Variants in RAB3IL1 observed in about 807,000 individuals in gnomAD.
The protein encoded by RAB3IL1 is RAB3A interacting protein like 1, also known as guanine nucleotide exchange factor for Rab-3A.
Under a neutral mutation model 49.2 loss-of-function variants are expected in RAB3IL1, and 37 were observed. That is an observed-to-expected ratio of 0.75 (90% CI 0.58 to 0.99). The LOEUF is 0.99. Ranked by LOEUF, RAB3IL1 falls within the 50% of genes least tolerant of loss-of-function variation. RAB3IL1 has a pLI of 0.00. For missense variants in RAB3IL1, 484 were observed against 513.0 expected (o/e 0.94, Z 0.55); for synonymous variants, 193 against 213.9 (o/e 0.90, Z 0.85).
chr11:61,922,394 T>C (rs1242363223), upstream of RAB3IL1, among the ~76,000 whole-genome samples: 1 of 149,684 alleles, frequency 6.7e-6, no homozygotes, highest in Non-Finnish European at 1.5e-5. Context: ...TGGTGGCGCA[T>C]GCCTGTAATC....
chr11:61,946,265 C>T, the RAB3IL1 span, among the ~76,000 whole-genome samples: 1 of 152,198 alleles, frequency 6.6e-6, no homozygotes. Flanking sequence ...GCCTACTGCC[C>T]CCAGCCAAGC....
At chr11:61,911,695 C>G (rs999712610) in intron 1 of RAB3IL1, among the ~76,000 whole-genome samples, 14 of 152,218 alleles carry the variant, frequency 9.2e-5, no homozygotes, top group Non-Finnish European at 1.6e-4. Flanking sequence ...GCCACAGATG[C>G]CTCTGGAAAG....
At chr11:61,917,298 T>C in intron 1 of RAB3IL1, 59 bp downstream of exon 1, 1 of 1,352,064 alleles carries the variant, frequency 7.4e-7, no homozygotes, top group Non-Finnish European at 9.5e-7. Flanking sequence ...AATCCTCCCG[T>C]CCCGGGAGGC....
In RAB3IL1 at chr11:61,897,327, T is replaced by C. The variant is rs566205514; in HGVS notation, c.*951A>G. On this transcript the variant is annotated 3_prime_UTR_variant, in exon 10 of 10. Coordinates refer to ENST00000394836, the MANE Select transcript of RAB3IL1 (RefSeq NM_013401.4). ...ACCAACAAAGCCTGCCTTTATTAAA[T>C]AGAGATCGCGTTACATTCCATCCAA... The C allele has an allele frequency of 6.5e-6, 1 of 152,760 alleles. No individual in the cohort carries two copies. Among genetic ancestry groups the C allele is most frequent in the South Asian group, 2.1e-4 (1 of 4,822 alleles). The allele number at this position is 152,760 out of a possible 1,614,324, so 9.5% of individuals were successfully genotyped here. A position where few individuals can be genotyped will look rare whatever the true frequency, so the allele number is the denominator to read the frequency against.
At chr11:61,904,493 G>A (rs1939073982) in intron 7 of RAB3IL1, 53 bp downstream of exon 7, 1 of 1,511,244 alleles carries the variant, frequency 6.6e-7, no homozygotes, top group Admixed American at 1.9e-5. Flanking sequence ...TAAACACACG[G>A]CTTGGCGGGG....
chr11:61,909,541 A>G (rs1490108124), intron 1 of RAB3IL1, among the ~76,000 whole-genome samples: 1 of 152,198 alleles, frequency 6.6e-6, no homozygotes, highest in East Asian at 1.9e-4. Flanking sequence ...GAACCGGCCC[A>G]GAGTGTGGCC....
chr11:61,920,066 T>A, upstream of RAB3IL1: 10 of 1,280,164 alleles, frequency 7.8e-6, no homozygotes, highest in Non-Finnish European at 9.9e-6. Flanking sequence ...GGCTCTTCTC[T>A]CAAGTTCCCC....
intron 8 of RAB3IL1, chr11:61,899,734 A>AT: frequency 1.3e-4 from 35 of 263,406 alleles, no homozygotes; most frequent in South Asian, 6.7e-4. Context: ...CTGTGAGATG[A>AT]ACCGGGCAGG....
chr11:61,923,062 G>A (rs1269400961), upstream of RAB3IL1, among the ~76,000 whole-genome samples: 1 of 152,244 alleles, frequency 6.6e-6, no homozygotes, highest in African/African-American at 2.4e-5. Flanking sequence ...GACCCCACCA[G>A]CCTCTTGGCC....
intron 8 of RAB3IL1, among the ~76,000 whole-genome samples, chr11:61,900,780 T>G (rs1397196510): frequency 6.6e-6 from 1 of 152,170 alleles, no homozygotes; most frequent in African/African-American, 2.4e-5. Flanking sequence ...ACCCCCAGCT[T>G]CATCCAGTGC....
chr11:61,934,488 A>ATG, the RAB3IL1 span, among the ~76,000 whole-genome samples: 1 of 128,112 alleles, frequency 7.8e-6, no homozygotes, highest in African/African-American at 3.0e-5. Flanking sequence ...ATATATATAT[A>ATG]TATATATTCT....
At chr11:61,913,552 G>A (rs894135871) in intron 1 of RAB3IL1, among the ~76,000 whole-genome samples, 1 of 152,172 alleles carries the variant, frequency 6.6e-6, no homozygotes. Flanking sequence ...ACCCCTGGCG[G>A]GGGAATCCAG....
chr11:61,900,339 C>A (rs1020466930), intron 8 of RAB3IL1, among the ~76,000 whole-genome samples: 1 of 152,238 alleles, frequency 6.6e-6, no homozygotes, highest in Non-Finnish European at 1.5e-5. Context: ...GGCGGCTGTG[C>A]CCGCCCGCAA....
chr11:61,921,928 C>G (rs186443878), upstream of RAB3IL1, among the ~76,000 whole-genome samples: 142 of 152,228 alleles, frequency 9.3e-4, no homozygotes, highest in Middle Eastern at 0.01. Flanking sequence ...GTGGCTCATG[C>G]CTGTAATCCC....
the RAB3IL1 span, among the ~76,000 whole-genome samples, chr11:61,929,166 G>A: frequency 6.6e-6 from 1 of 152,140 alleles, no homozygotes. Flanking sequence ...TTTGTGTTGA[G>A]AACATTACAA....
upstream of RAB3IL1, chr11:61,920,012 C>T: frequency 8.1e-7 from 1 of 1,236,266 alleles, no homozygotes; most frequent in Non-Finnish European, 1.0e-6. Flanking sequence ...GACTCCCCCT[C>T]CCCTCCATGC....
intron 5 of RAB3IL1, among the ~76,000 whole-genome samples, 153 bp from the exon 6 acceptor site, chr11:61,905,035 C>A (rs1307918050): frequency 6.6e-6 from 1 of 152,196 alleles, no homozygotes; most frequent in Admixed American, 6.5e-5. Flanking sequence ...GAAGCCAAGT[C>A]CAGCAGCAGC....
chr11:61,908,697 A>T (rs1939329119), intron 1 of RAB3IL1, among the ~76,000 whole-genome samples: 4 of 152,200 alleles, frequency 2.6e-5, no homozygotes, highest in Non-Finnish European at 5.9e-5. Flanking sequence ...TCACTGAATG[A>T]TCAGAGGAGG....
At chr11:61,937,468 G>T in the RAB3IL1 span, among the ~76,000 whole-genome samples, 1 of 151,888 alleles carries the variant, frequency 6.6e-6, no homozygotes, top group African/African-American at 2.4e-5. Flanking sequence ...ACCACATCTG[G>T]CTAATTTGGT....
Sources: allele counts gnomAD v4.1 joint callset (sites outside exome capture counted in the v4.1 genomes callset), GRCh38; gene constraint gnomAD v4.1.1; transcripts MANE v1.5; gene names NCBI Gene and HGNC (gene_info 2026-07-23, HGNC 2026-07-21).